CWF19L2: variants seen among roughly 807,000 people sequenced by gnomAD.
CWF19L2 encodes CWF19 like cell cycle control factor 2.
A neutral mutation model predicts 111.7 loss-of-function variants in CWF19L2; 98 were observed. The observed-to-expected ratio is 0.88, with a 90% CI of 0.75 to 1.04. The LOEUF is 1.04. CWF19L2 is among the 50% of genes least tolerant of loss of function. The pLI, the probability that CWF19L2 is intolerant of heterozygous loss-of-function variation, is 0.00. For missense variants in CWF19L2, 1,101 were observed against 1,051.4 expected, an observed-to-expected ratio of 1.05 and a Z score of -0.65; for synonymous variants, 351 against 342.9, an observed-to-expected ratio of 1.02 and a Z score of -0.26.
chr11:107,333,088 TAA>T (rs11212169), intron 16 of CWF19L2, among the ~76,000 whole-genome samples: 46 of 146,374 alleles, frequency 3.1e-4, no homozygotes, highest in Non-Finnish European at 4.5e-4. Context: ...AGACTCTGTC[TAA>T]AAAAAAAAAA....
chr11:107,450,101 GAAA>G (rs555626019), intron 3 of CWF19L2, among the ~76,000 whole-genome samples: 1 of 119,622 alleles, frequency 8.4e-6, no homozygotes, highest in Non-Finnish European at 1.8e-5. Flanking sequence ...TCCATCTCAA[GAAA>G]AAAAAAAAAA....
chr11:107,436,209 A>C (rs1192105232), intron 6 of CWF19L2, among the ~76,000 whole-genome samples: 3 of 152,218 alleles, frequency 2.0e-5, no homozygotes, highest in Middle Eastern at 3.4e-3. Context: ...GGAAGTACAA[A>C]CATGAATGTA....
intron 12 of CWF19L2, among the ~76,000 whole-genome samples, chr11:107,381,257 A>G (rs965465382): frequency 9.8e-5 from 15 of 152,332 alleles, no homozygotes; most frequent in African/African-American, 3.6e-4. Flanking sequence ...ATATTTTGCC[A>G]TAAAAAACCC....
chr11:107,404,199 G>A, intron 10 of CWF19L2: 1 of 776,692 alleles, frequency 1.3e-6, no homozygotes, highest in South Asian at 1.3e-5. Context: ...AATTATGATA[G>A]ACCTTCATAA....
chr11:107,383,188 C>G (rs1299956410), intron 12 of CWF19L2, among the ~76,000 whole-genome samples: 2 of 152,186 alleles, frequency 1.3e-5, no homozygotes, highest in African/African-American at 4.8e-5. Context: ...ATGTGAACCC[C>G]AACTTGAAGC....
intron 14 of CWF19L2, among the ~76,000 whole-genome samples, chr11:107,347,324 G>T (rs1042094312): frequency 9.2e-5 from 14 of 152,054 alleles, no homozygotes; most frequent in African/African-American, 3.4e-4. Flanking sequence ...AACATTTTGT[G>T]CTAAGTCAAA....
At chr11:107,400,715 T>C (rs1472301821) in intron 10 of CWF19L2, among the ~76,000 whole-genome samples, 1 of 152,196 alleles carries the variant, frequency 6.6e-6, no homozygotes, top group African/African-American at 2.4e-5. Flanking sequence ...ATTCATTCTG[T>C]GAAGCCAGCA....
chr11:107,345,120 A>G (rs891314818), intron 14 of CWF19L2, among the ~76,000 whole-genome samples: 8 of 152,180 alleles, frequency 5.3e-5, no homozygotes, highest in Non-Finnish European at 8.8e-5. Flanking sequence ...AAACTAAAAA[A>G]CAGAATGAAA....
intron 12 of CWF19L2, among the ~76,000 whole-genome samples, chr11:107,382,788 G>GTC (rs1860707903): frequency 6.6e-6 from 1 of 152,216 alleles, no homozygotes. Context: ...AGGAAACAGA[G>GTC]TCTCTCTCCT....
At chr11:107,400,332 C>T (rs374764503) in intron 10 of CWF19L2, among the ~76,000 whole-genome samples, 50 of 151,618 alleles carry the variant, frequency 3.3e-4, no homozygotes, top group African/African-American at 1.1e-3. Context: ...GCAATATTAA[C>T]CAAGAAGAGA....
At chr11:107,406,321 T>G (rs554255155) in intron 10 of CWF19L2, among the ~76,000 whole-genome samples, 34 of 152,202 alleles carry the variant, frequency 2.2e-4, no homozygotes, top group African/African-American at 7.7e-4. Flanking sequence ...ATGTTTCAAC[T>G]TTTATCTTTT....
chr11:107,356,362 G>A (rs1304127174), intron 12 of CWF19L2, among the ~76,000 whole-genome samples: 2 of 152,086 alleles, frequency 1.3e-5, no homozygotes, highest in Non-Finnish European at 2.9e-5. Flanking sequence ...AATGTAAATA[G>A]AAGAAAATTT....
chr11:107,404,877 G>C lies in CWF19L2; in HGVS notation c.1617+11332C>G, dbSNP rs145904163. On this transcript the variant is annotated intron_variant, in intron 10 of 17. Transcript: ENST00000282251. ...TCACTTCTCTACTTTCTGTTCCTTA[G>C]GCCTGCCAATACAAATCACACTGTT... 4.7e-3 allele frequency among the ~76,000 whole-genome samples: 716 copies of C among 152,124 alleles called. 6 individuals carry two copies. The highest frequency in any genetic ancestry group is 0.017 in the African/African-American group (689 of 41,514).
intron 3 of CWF19L2, 54 bp downstream of exon 3, chr11:107,454,396 T>C (rs1337306205): frequency 4.0e-6 from 5 of 1,244,382 alleles, no homozygotes; most frequent in Non-Finnish European, 5.1e-6. Flanking sequence ...AAGTTACACA[T>C]TCAAATAAAA....
At chr11:107,438,895 C>T (rs577653424) in intron 6 of CWF19L2, among the ~76,000 whole-genome samples, 195 bp downstream of exon 6, 3 of 152,178 alleles carry the variant, frequency 2.0e-5, no homozygotes, top group African/African-American at 7.2e-5. Context: ...AAAAAATTAT[C>T]TGGGAGTGGT....
intron 5 of CWF19L2, 104 bp from the exon 6 acceptor site, chr11:107,439,287 C>A: frequency 1.5e-6 from 1 of 667,726 alleles, no homozygotes; most frequent in African/African-American, 1.9e-5. Context: ...TAACCCTGGA[C>A]AAATCATTTA....
At chr11:107,454,696 A>G in intron 2 of CWF19L2, 124 bp from the exon 3 acceptor site, 1 of 530,590 alleles carries the variant, frequency 1.9e-6, no homozygotes. Context: ...AAATAAGACC[A>G]AGAATATGTC....
chr11:107,457,562 G>A, intron 1 of CWF19L2, 150 bp downstream of exon 1: 1 of 586,786 alleles, frequency 1.7e-6, no homozygotes, highest in Non-Finnish European at 3.0e-6. Context: ...AGCTACAAAA[G>A]GGTTTACCGG....
chr11:107,437,759 C>G (rs376612277), intron 6 of CWF19L2, among the ~76,000 whole-genome samples: 5 of 152,120 alleles, frequency 3.3e-5, no homozygotes, highest in South Asian at 4.1e-4. Flanking sequence ...AGTAAAGAAC[C>G]TGTCAACTGG....
Sources: gnomAD v4.1 joint callset for allele counts (sites outside exome capture counted in the v4.1 genomes callset) on GRCh38, gnomAD v4.1.1 for gene constraint, MANE v1.5 for transcripts, NCBI Gene and HGNC (gene_info 2026-07-23, HGNC 2026-07-21) for gene names.